The following NEK1 variants were observed in gnomAD, a reference collection of about 807,000 sequenced individuals.
The protein encoded by NEK1 is NIMA related kinase 1, also known as serine/threonine-protein kinase Nek1.
A neutral mutation model predicts 182.1 loss-of-function variants in NEK1; 137 were observed. The observed-to-expected ratio is 0.75, with a 90% CI of 0.65 to 0.87. NEK1 has a LOEUF of 0.87. NEK1 is among the 40% of genes least tolerant of loss of function. NEK1 has a pLI of 0.00. For synonymous variants in NEK1, 513 were observed against 492.2 expected (o/e 1.04, Z -0.56); for missense variants, 1,391 against 1,494.4 (o/e 0.93, Z 1.14).
chr4:169,499,655 G>C (rs548743805), intron 23 of NEK1, among the ~76,000 whole-genome samples: 16 of 152,320 alleles, frequency 1.1e-4, no homozygotes, highest in Non-Finnish European at 2.1e-4. Flanking sequence ...GTTGGAGTTT[G>C]CTGGAGATCC....
chr4:169,564,481 T>C (rs1346923326), intron 12 of NEK1, among the ~76,000 whole-genome samples: 1 of 152,146 alleles, frequency 6.6e-6, no homozygotes, highest in Non-Finnish European at 1.5e-5. Flanking sequence ...TTCTAAATTA[T>C]GTAGAATGAC....
chr4:169,534,405 A>G (rs188812791), intron 19 of NEK1, among the ~76,000 whole-genome samples: 193 of 152,284 alleles, frequency 1.3e-3, no homozygotes, highest in Non-Finnish European at 2.2e-3. Flanking sequence ...AGGAAACATC[A>G]TTCAGACCTT....
intron 27 of NEK1, among the ~76,000 whole-genome samples, chr4:169,443,132 T>C (rs1211352028): frequency 6.6e-6 from 1 of 151,126 alleles, no homozygotes; most frequent in Non-Finnish European, 1.5e-5. Context: ...CTGGGCAACA[T>C]GGCAAAACTC....
rs1368818890 is a variant in NEK1, at chr4:169,537,164, AAAAGGCATTTGTGAACCTCTACAAATC to A, written c.1665+618_1665+644del. 3.9e-5 allele frequency among the ~76,000 whole-genome samples: 6 copies of A among 152,328 alleles called. No individual in the cohort carries two copies. In the South Asian group the frequency reaches 1.2e-3, roughly 32 times the overall value. ...TCAGTTGTTCTGTAGACAAAATGTC[AAAAGGCATTTGTGAACCTCTACAAATC>A]AAACTATGAAGAGTTTTAACTACCT... is the stretch of plus-strand genomic sequence containing the variant. On this transcript the variant is annotated intron_variant, in intron 19 of 35. Transcript: ENST00000507142.
At chr4:169,489,893 T>C (rs2149601624) in intron 23 of NEK1, among the ~76,000 whole-genome samples, 1 of 152,240 alleles carries the variant, frequency 6.6e-6, no homozygotes, top group East Asian at 1.9e-4. Flanking sequence ...AACAGCTTCA[T>C]CTACCCATAC....
intron 12 of NEK1, among the ~76,000 whole-genome samples, chr4:169,570,532 CA>C (rs1764609767): frequency 1.3e-5 from 2 of 150,528 alleles, no homozygotes; most frequent in Non-Finnish European, 3.0e-5. Flanking sequence ...GCCCGGCCAG[CA>C]TACCCGTCCG....
chr4:169,469,611 G>C (rs971276370), intron 26 of NEK1, among the ~76,000 whole-genome samples: 5 of 152,220 alleles, frequency 3.3e-5, no homozygotes, highest in Non-Finnish European at 5.9e-5. Context: ...TTGGGGTGGA[G>C]AGTTCTGTAG....
intron 23 of NEK1, among the ~76,000 whole-genome samples, chr4:169,491,136 C>CAAAAAAAA (rs70964208): frequency 1.1e-3 from 50 of 45,906 alleles, no homozygotes; most frequent in African/African-American, 3.7e-3. Context: ...GACTCCATCT[C>CAAAAAAAA]AAAAAAAAAA....
chr4:169,472,177 A>G (rs974250616), intron 26 of NEK1, among the ~76,000 whole-genome samples: 1 of 151,890 alleles, frequency 6.6e-6, no homozygotes, highest in Non-Finnish European at 1.5e-5. Context: ...AAAAAAAACA[A>G]AAAAAAACAA....
chr4:169,529,392 T>C (rs138847521), intron 19 of NEK1, among the ~76,000 whole-genome samples: 89 of 152,264 alleles, frequency 5.8e-4, no homozygotes, highest in South Asian at 3.5e-3. Flanking sequence ...ATTAAGGGAG[T>C]ACATTTTATG....
chr4:169,599,899 T>C (rs527687408), intron 4 of NEK1, among the ~76,000 whole-genome samples: 1 of 152,092 alleles, frequency 6.6e-6, no homozygotes, highest in Non-Finnish European at 1.5e-5. Flanking sequence ...AGGCTTTTTT[T>C]TTTCTTTTAA....
At chr4:169,438,995 G>A (rs1202214089) in intron 27 of NEK1, among the ~76,000 whole-genome samples, 1 of 151,822 alleles carries the variant, frequency 6.6e-6, no homozygotes, top group Non-Finnish European at 1.5e-5. Flanking sequence ...CCACTTCTCC[G>A]CCTCTACAAC....
intron 35 of NEK1, among the ~76,000 whole-genome samples, chr4:169,394,789 A>AT (rs746504806): frequency 1.3e-5 from 2 of 152,222 alleles, no homozygotes; most frequent in Non-Finnish European, 2.9e-5. Context: ...GCATACACAA[A>AT]TATCTTTTAA....
chr4:169,585,301 C>G, intron 10 of NEK1, 48 bp downstream of exon 10: 2 of 1,432,546 alleles, frequency 1.4e-6, no homozygotes, highest in Non-Finnish European at 1.9e-6. Flanking sequence ...CATGTCTTAG[C>G]TAAGCAACAT....
chr4:169,553,287 TG>T (rs1761693532), intron 18 of NEK1, among the ~76,000 whole-genome samples: 1 of 152,190 alleles, frequency 6.6e-6, no homozygotes, highest in Non-Finnish European at 1.5e-5. Context: ...TCAAGAGATG[TG>T]GAACAACTGG....
intron 7 of NEK1, 31 bp downstream of exon 7, chr4:169,589,416 A>AT: frequency 1.6e-6 from 2 of 1,245,826 alleles, no homozygotes; most frequent in Non-Finnish European, 2.3e-6. Flanking sequence ...TGAAAACATT[A>AT]TATCAAAACA....
rs775156559 is a variant in NEK1 at position 169,426,252 on chromosome 4, A to G, written c.2886-18T>C. ...CTGCCGACCTGCCACAGATGGGTACACCAATTAAAAACACACACACTTAGT... is the reference window on the plus strand; with the variant it reads ...CTGCCGACCTGCCACAGATGGGTACGCCAATTAAAAACACACACACTTAGT... On this transcript the variant is annotated intron_variant, in intron 29 of 35. Coordinates refer to ENST00000507142, the MANE Select transcript of NEK1 (RefSeq NM_001199397.3). The G allele has an allele frequency of 6.2e-7, 1 of 1,602,732 alleles. No homozygotes were observed. The highest frequency in any genetic ancestry group is 8.5e-7 in the Non-Finnish European group (1 of 1,171,568).
At chr4:169,523,418 C>A (rs1017264305) in intron 19 of NEK1, among the ~76,000 whole-genome samples, 3 of 152,210 alleles carry the variant, frequency 2.0e-5, no homozygotes, top group Non-Finnish European at 4.4e-5. Context: ...GACAGACTCA[C>A]ACACAGCAAG....
chr4:169,525,748 C>T (rs957949680), intron 19 of NEK1, among the ~76,000 whole-genome samples: 4 of 152,094 alleles, frequency 2.6e-5, no homozygotes, highest in Non-Finnish European at 5.9e-5. Flanking sequence ...TCTGCCTGCC[C>T]CCACTTTGCA....
Sources: gnomAD v4.1 joint callset for allele counts (sites outside exome capture counted in the v4.1 genomes callset) on GRCh38, gnomAD v4.1.1 for gene constraint, MANE v1.5 for transcripts, NCBI Gene and HGNC (gene_info 2026-07-23, HGNC 2026-07-21) for gene names.